The following GBP6 variants were observed in gnomAD, a reference collection of about 807,000 sequenced individuals.
GBP6 encodes the protein guanylate-binding protein 6.
In GBP6, 54 loss-of-function variants were observed where a neutral mutation model predicts 61.5. That is an observed-to-expected ratio of 0.88 (90% CI 0.71 to 1.10). The LOEUF is 1.10. Ranked by LOEUF, GBP6 falls within the 50% of genes least tolerant of loss-of-function variation. The pLI, the probability that GBP6 is intolerant of heterozygous loss-of-function variation, is 0.00. For synonymous variants in GBP6, 255 were observed against 273.7 expected (o/e 0.93, Z 0.67); for missense variants, 748 against 752.8 (o/e 0.99, Z 0.07).
At position 89,380,602 on chromosome 1, in the gene GBP6, T is replaced by G; in HGVS notation, c.842T>G (p.Leu281Arg). Reference sequence around the variant, plus strand: ...TTCACTCATGCAAGAACCAAGACCCTCAGGGAGGGAATCACAGTCACTGGG... The same window carrying G: ...TTCACTCATGCAAGAACCAAGACCCGCAGGGAGGGAATCACAGTCACTGGG... ...YIFTHARTKT[L>R]REGITVTGNR... The change falls in exon 6 of 11, where the codon CTC becomes CGC. Residue 281 changes from leucine to arginine, a missense_variant. By Grantham distance (102) the Leu-to-Arg change is moderately radical. Coordinates refer to ENST00000370456, the MANE Select transcript of GBP6 (RefSeq NM_198460.3). 6.2e-7 allele frequency: 1 copy of G among 1,614,010 alleles called. No individual in the cohort carries two copies. Among genetic ancestry groups the G allele is most frequent in the South Asian group, 1.1e-5 (1 of 91,072 alleles).
Position 89,385,513 on chromosome 1 carries a change from C to A in GBP6, c.*44C>A. On this transcript the variant is annotated 3_prime_UTR_variant, in exon 11 of 11. Coordinates refer to ENST00000370456, the MANE Select transcript of GBP6 (RefSeq NM_198460.3). ...ATATATGCTTTGGACTATTTTTGAT[C>A]TGTATGTTTTTCATTTTCATTCAGC... 1.3e-6 allele frequency: 2 copies of A among 1,510,616 alleles called. No homozygotes were observed. Among genetic ancestry groups the A allele is most frequent in the Non-Finnish European group, 1.8e-6 (2 of 1,122,398 alleles). 93.6% of individuals were successfully genotyped at this position (1,510,616 alleles called of 1,614,324 possible).
intron 1 of GBP6, 133 bp from the exon 2 acceptor site, chr1:89,368,396 C>A: frequency 1.7e-6 from 1 of 585,920 alleles, no homozygotes. Flanking sequence ...ATAAAAGAAG[C>A]CTTGTGCAGT....
intron 3 of GBP6, among the ~76,000 whole-genome samples, chr1:89,371,370 T>C (rs909099322): frequency 1.3e-5 from 2 of 152,104 alleles, no homozygotes; most frequent in African/African-American, 4.8e-5. Flanking sequence ...AAAAAGAGAA[T>C]TTTGGACCAA....
Position 89,383,661 on chromosome 1 carries a change from GTC to G in GBP6, c.1377_1378del (p.Phe460ProfsTer19). 6.2e-7 allele frequency: 1 copy of G among 1,606,018 alleles called. No individual in the cohort carries two copies. Among genetic ancestry groups the G allele is most frequent in the Non-Finnish European group, 8.5e-7 (1 of 1,177,512 alleles). On this transcript the variant is annotated frameshift_variant, in exon 9 of 11. Coordinates refer to ENST00000370456, the MANE Select transcript of GBP6 (RefSeq NM_198460.3). LOFTEE classifies it high-confidence loss of function. ...TTTCTTCCTTCCATAGGCAAAAGAGGTCTTCCAGAGGTTCCTGGAGTCACAGA... is the reference window on the plus strand; with the variant it reads ...TTTCTTCCTTCCATAGGCAAAAGAGGTTCCAGAGGTTCCTGGAGTCACAGA... ...VPRKGVKAKE[V>X]FQRFLESQMV...
chr1:89,366,470 G>A (rs1652470318), intron 1 of GBP6, among the ~76,000 whole-genome samples: 1 of 152,000 alleles, frequency 6.6e-6, no homozygotes, highest in African/African-American at 2.4e-5. Flanking sequence ...TTCCAAACCT[G>A]TAGATAAAAG....
intron 1 of GBP6, among the ~76,000 whole-genome samples, chr1:89,366,236 G>A (rs1421512465): frequency 2.6e-5 from 4 of 152,022 alleles, no homozygotes; most frequent in Admixed American, 2.6e-4. Context: ...TAAATAATAT[G>A]CAATATTATA....
intron 6 of GBP6, 133 bp downstream of exon 6, chr1:89,380,764 A>G (rs1652955503): frequency 1.3e-6 from 1 of 744,982 alleles, no homozygotes. Flanking sequence ...CAGTGAAGAA[A>G]TGTGTATAAT....
At chr1:89,372,769 C>T (rs1485863778) in intron 3 of GBP6, among the ~76,000 whole-genome samples, 3 of 152,150 alleles carry the variant, frequency 2.0e-5, no homozygotes, top group Admixed American at 1.3e-4. Context: ...GACTTCATGT[C>T]TAAAACACCA....
chr1:89,378,082 T>C, intron 3 of GBP6, 21 bp from the exon 4 acceptor site: 1 of 1,603,948 alleles, frequency 6.2e-7, no homozygotes, highest in Non-Finnish European at 8.5e-7. Flanking sequence ...CCTAAGTCCT[T>C]TGCTCTAATG....
At chr1:89,382,317 G>A (rs1272390203) in intron 7 of GBP6, among the ~76,000 whole-genome samples, 7 of 152,224 alleles carry the variant, frequency 4.6e-5, no homozygotes, top group African/African-American at 9.6e-5. Context: ...TCGTAATTCC[G>A]GGCCATTGTT....
At chr1:89,382,375 A>G (rs1358354631) in intron 7 of GBP6, among the ~76,000 whole-genome samples, 1 of 152,230 alleles carries the variant, frequency 6.6e-6, no homozygotes. Flanking sequence ...GAGGACAGGA[A>G]CACAGGATGA....
chr1:89,384,964 C>T (rs1653093563), intron 10 of GBP6, among the ~76,000 whole-genome samples: 1 of 152,190 alleles, frequency 6.6e-6, no homozygotes, highest in South Asian at 2.1e-4. Flanking sequence ...ATGGCTACCT[C>T]CTAACTGGCA....
chr1:89,385,477 A>G lies in GBP6; in HGVS notation c.*8A>G. The stretch of plus-strand genomic sequence containing the variant: ...CATAAGCTCCCCTTTTAAGGATATT[A>G]TAGATTGTACATATATGCTTTGGAC... On this transcript the variant is annotated 3_prime_UTR_variant, in exon 11 of 11. Coordinates refer to ENST00000370456, the MANE Select transcript of GBP6 (RefSeq NM_198460.3). 4 of 1,612,712 alleles carry G rather than the reference A, an allele frequency of 2.5e-6. No homozygotes were observed. The highest frequency in any genetic ancestry group is 8.5e-7 in the Non-Finnish European group (1 of 1,179,306).
chr1:89,385,451 G>A lies in GBP6; in HGVS notation c.1884G>A (p.Lys628=), dbSNP rs774720606. 8 of 1,613,786 alleles carry A rather than the reference G, an allele frequency of 5.0e-6. No homozygotes were observed. The highest frequency in any genetic ancestry group is 6.8e-6 in the Non-Finnish European group (8 of 1,179,924). The part of the protein sequence containing the change: ...GVKGVSSLFK[K]HKLPF ...AAGGTGTGAGCTCACTCTTTAAAAAGCATAAGCTCCCCTTTTAAGGATATT... is the reference window on the plus strand; with the variant it reads ...AAGGTGTGAGCTCACTCTTTAAAAAACATAAGCTCCCCTTTTAAGGATATT... The change falls in exon 11 of 11, where the codon AAG becomes AAA. Residue 628 remains lysine (K), a synonymous_variant. Coordinates refer to ENST00000370456, the MANE Select transcript of GBP6 (RefSeq NM_198460.3).
Position 89,378,212 on chromosome 1 carries a change from A to G in GBP6, c.428A>G (p.His143Arg). 6.2e-7 allele frequency: 1 copy of G among 1,608,556 alleles called. No homozygotes were observed. The highest frequency in any genetic ancestry group is 1.1e-5 in the South Asian group (1 of 90,032). Reference sequence around the variant, plus strand: ...AACCACCAGGCCCTGGAGCAGCTGCAGTATCCTTCCAGGAACAGAACAGAA... The same window carrying G: ...AACCACCAGGCCCTGGAGCAGCTGCGGTATCCTTCCAGGAACAGAACAGAA... ...TINHQALEQL[H>R]YVTELTELIK... Residue 143 changes from histidine (H) to arginine (R), a missense_variant and splice_region_variant, in exon 4 of 11, where the codon CAT (histidine) becomes CGT (arginine). Coordinates refer to ENST00000370456, the MANE Select transcript of GBP6 (RefSeq NM_198460.3).
intron 3 of GBP6, among the ~76,000 whole-genome samples, chr1:89,373,253 G>A (rs1043670221): frequency 2.6e-5 from 4 of 152,238 alleles, no homozygotes; most frequent in Non-Finnish European, 5.9e-5. Context: ...GGAAGACAGT[G>A]TGGCGATTCC....
At position 89,387,691 on chromosome 1, in the gene GBP6, G is replaced by C. The variant is rs1188653021; in HGVS notation, c.*2222G>C. Among the ~76,000 whole-genome samples the C allele has an allele frequency of 6.6e-6, 1 of 152,228 alleles. No homozygotes were observed. The highest frequency in any genetic ancestry group is 2.4e-5 in the African/African-American group (1 of 41,460). On this transcript the variant is annotated 3_prime_UTR_variant, in exon 11 of 11. Coordinates refer to ENST00000370456, the MANE Select transcript of GBP6 (RefSeq NM_198460.3). ...CTCACGCCTATAATCTCAGCAACTT[G>C]GGAGGCCGAAGCAGGCAGATCACTT... is the stretch of plus-strand genomic sequence containing the variant.
At position 89,381,865 on chromosome 1, in the gene GBP6, C is replaced by A. The variant is rs141648455; in HGVS notation, c.1043C>A (p.Thr348Lys). ...CAGCGAGTGAAGCTCCCCACAGACA[C>A]GCTCCAGGAGCTGCTGGACATGCAT... is the stretch of plus-strand genomic sequence containing the variant. ...MAQRVKLPTDTLQELLDMHAA... is the reference protein window; with the variant it reads ...MAQRVKLPTDKLQELLDMHAA... Residue 348 changes from threonine to lysine, a missense_variant, in exon 7 of 11, where the codon ACG becomes AAG. Coordinates refer to ENST00000370456, the MANE Select transcript of GBP6 (RefSeq NM_198460.3). The A allele has an allele frequency of 6.2e-7, 1 of 1,614,110 alleles. No individual in the cohort carries two copies. The highest frequency in any genetic ancestry group is 2.2e-5 in the East Asian group (1 of 44,878).
Position 89,384,157 on chromosome 1 carries a change from G to A in GBP6, c.1533G>A (p.Glu511=), listed in dbSNP as rs1306118613. 2 of 1,613,966 alleles carry A rather than the reference G, an allele frequency of 1.2e-6. No homozygotes were observed. Among genetic ancestry groups the A allele is most frequent in the Non-Finnish European group, 1.7e-6 (2 of 1,179,952 alleles). The part of the protein sequence containing the change: ...EQELLKQKLQ[E]QQQQMEAQDK... ...AACTTTTAAAACAGAAATTACAGGA[G>A]CAGCAGCAACAGATGGAGGCTCAAG... is the stretch of plus-strand genomic sequence containing the variant. The change falls in exon 10 of 11, where the codon GAG becomes GAA. Residue 511 remains glutamate, a synonymous_variant. Coordinates refer to ENST00000370456, the MANE Select transcript of GBP6 (RefSeq NM_198460.3).
Sources: allele counts gnomAD v4.1 joint callset (sites outside exome capture counted in the v4.1 genomes callset), GRCh38; gene constraint gnomAD v4.1.1; transcripts MANE v1.5; gene names NCBI Gene and HGNC (gene_info 2026-07-23, HGNC 2026-07-21).